The following AFF3 variants were observed in gnomAD, a reference collection of about 807,000 sequenced individuals.
AFF3 encodes the protein ALF transcription elongation factor 3, also known as AF4/FMR2 family member 3.
AFF3 carries 32 observed loss-of-function variants against 129.7 expected under a neutral mutation model. The observed-to-expected ratio is 0.25, with a 90% CI of 0.19 to 0.33. The LOEUF (loss-of-function observed/expected upper bound fraction) is 0.33. Among genes scored for constraint, AFF3 ranks in the 10% least tolerant of loss-of-function variants. The probability of loss-of-function intolerance (pLI) is 1.00; values close to 1 mark genes in which losing one functional copy is unlikely to be tolerated. For missense variants in AFF3, 1,373 were observed against 1,592.0 expected (o/e 0.86, Z 2.34); for synonymous variants, 644 against 635.4 (o/e 1.01, Z -0.20).
chr2:100,127,991 C>A (rs139966383), intron 2 of AFF3, among the ~76,000 whole-genome samples: 5,292 of 152,242 alleles, frequency 0.035, 315 homozygotes, highest in African/African-American at 0.12. Flanking sequence ...CTAAATCCCA[C>A]CAAAACCAAG....
chr2:99,933,501 C>T (rs1576376542), intron 7 of AFF3, among the ~76,000 whole-genome samples: 2 of 152,138 alleles, frequency 1.3e-5, no homozygotes, highest in East Asian at 1.9e-4. Flanking sequence ...CCCCCACCCC[C>T]CGACAGGCCC....
chr2:99,893,766 G>C (rs2106098856), intron 7 of AFF3, among the ~76,000 whole-genome samples: 1 of 152,222 alleles, frequency 6.6e-6, no homozygotes, highest in East Asian at 1.9e-4. Context: ...AAATTGAGAG[G>C]GGCTAGACAC....
chr2:99,582,063 C>T (rs564433631), intron 17 of AFF3, among the ~76,000 whole-genome samples: 48 of 152,160 alleles, frequency 3.2e-4, no homozygotes, highest in African/African-American at 1.1e-3. Flanking sequence ...CCATGTTGGC[C>T]AGGCTGGTCT....
intron 7 of AFF3, among the ~76,000 whole-genome samples, chr2:99,878,959 C>G (rs1043283440): frequency 6.6e-6 from 1 of 152,002 alleles, no homozygotes; most frequent in Admixed American, 6.6e-5. Flanking sequence ...CTAGATAACC[C>G]TAAGGCCACA....
chr2:99,866,297 T>A (rs1460179744), intron 7 of AFF3, among the ~76,000 whole-genome samples: 4 of 152,162 alleles, frequency 2.6e-5, no homozygotes, highest in South Asian at 2.1e-4. Flanking sequence ...AAATTTAAAT[T>A]GAAATGAATG....
At chr2:100,039,678 G>C (rs1685264184) in intron 4 of AFF3, among the ~76,000 whole-genome samples, 1 of 152,034 alleles carries the variant, frequency 6.6e-6, no homozygotes, top group South Asian at 2.1e-4. Flanking sequence ...CTCCCTAATG[G>C]GTCATGTTCC....
intron 12 of AFF3, among the ~76,000 whole-genome samples, chr2:99,650,796 A>ATGCGTGTGTGTGTGTGTGTG (rs1553417669): frequency 8.3e-5 from 12 of 144,756 alleles, no homozygotes; most frequent in Non-Finnish European, 1.4e-4. Flanking sequence ...ACTAAAATTA[A>ATGCGTGTGTGTGTGTGTGTG]TGTGTGTGTG....
intron 13 of AFF3, among the ~76,000 whole-genome samples, chr2:99,606,691 G>C (rs1333670895): frequency 6.6e-6 from 1 of 151,978 alleles, no homozygotes; most frequent in Non-Finnish European, 1.5e-5. Context: ...GCCGAGGCGG[G>C]AGGATCACGA....
chr2:99,802,604 A>G (rs1686025207), intron 8 of AFF3, among the ~76,000 whole-genome samples: 1 of 152,000 alleles, frequency 6.6e-6, no homozygotes, highest in Non-Finnish European at 1.5e-5. Flanking sequence ...TTGAGGTGGC[A>G]GTGAGCTATG....
chr2:99,693,643 T>C (rs1473101920), intron 11 of AFF3, among the ~76,000 whole-genome samples: 3 of 152,158 alleles, frequency 2.0e-5, no homozygotes, highest in Non-Finnish European at 4.4e-5. Flanking sequence ...AAATGGCTAT[T>C]GCATGCTCCC....
At chr2:99,918,158 A>G (rs1181202297) in intron 7 of AFF3, among the ~76,000 whole-genome samples, 1 of 152,172 alleles carries the variant, frequency 6.6e-6, no homozygotes, top group Non-Finnish European at 1.5e-5. Context: ...GTTACAAAAT[A>G]TGGTGCATTT....
At chr2:99,666,259 A>C (rs1489243331) in intron 12 of AFF3, among the ~76,000 whole-genome samples, 1 of 152,250 alleles carries the variant, frequency 6.6e-6, no homozygotes, top group African/African-American at 2.4e-5. Flanking sequence ...AGAAAACTAC[A>C]TTTGTATCAC....
chr2:99,964,388 C>A (rs891119279), intron 7 of AFF3, among the ~76,000 whole-genome samples: 1 of 152,076 alleles, frequency 6.6e-6, no homozygotes, highest in Admixed American at 6.5e-5. Context: ...TTTGAAAGAA[C>A]TAAAATCACA....
intron 7 of AFF3, among the ~76,000 whole-genome samples, chr2:99,982,193 T>A (rs567639234): frequency 6.6e-6 from 1 of 152,282 alleles, no homozygotes; most frequent in Non-Finnish European, 1.5e-5. Flanking sequence ...ATGTTGTAGA[T>A]TCCATAATTT....
intron 7 of AFF3, among the ~76,000 whole-genome samples, chr2:99,998,350 T>C (rs1681046490): frequency 2.0e-5 from 3 of 151,982 alleles, no homozygotes; most frequent in Admixed American, 2.0e-4. Flanking sequence ...CCCCTTCTGC[T>C]GGGGGGTTTC....
intron 4 of AFF3, among the ~76,000 whole-genome samples, chr2:100,023,794 C>G (rs1573157802): frequency 6.6e-6 from 1 of 152,144 alleles, no homozygotes; most frequent in South Asian, 2.1e-4. Flanking sequence ...TCATCAATAC[C>G]TAAATGAAAG....
At chr2:99,727,260 C>T (rs1679436458) in intron 10 of AFF3, 132 bp from the exon 11 acceptor site, 1 of 901,420 alleles carries the variant, frequency 1.1e-6, no homozygotes, top group Non-Finnish European at 1.6e-6. Context: ...TTTAAAACAT[C>T]TTTTATTGTC....
chr2:99,638,764 C>T (rs747530220), intron 13 of AFF3, among the ~76,000 whole-genome samples: 7 of 152,164 alleles, frequency 4.6e-5, no homozygotes, highest in East Asian at 1.9e-4. Context: ...TACCCCCCAC[C>T]GCCTGTTTTT....
intron 22 of AFF3, among the ~76,000 whole-genome samples, chr2:99,557,048 T>C (rs1159757306): frequency 6.6e-6 from 1 of 152,138 alleles, no homozygotes; most frequent in Non-Finnish European, 1.5e-5. Context: ...TCTAAAAGAA[T>C]CGATTTTAAA....
Sources: gnomAD v4.1 joint callset for allele counts (sites outside exome capture counted in the v4.1 genomes callset) on GRCh38, gnomAD v4.1.1 for gene constraint, MANE v1.5 for transcripts, NCBI Gene and HGNC (gene_info 2026-07-23, HGNC 2026-07-21) for gene names.